Variants in CFAP65 observed in about 807,000 individuals in gnomAD.
The protein encoded by CFAP65 is cilia- and flagella-associated protein 65.
CFAP65 carries 155 observed loss-of-function variants against 208.0 expected under a neutral mutation model. The ratio of observed to expected loss-of-function variants is 0.75; its 90% CI spans 0.65 to 0.85. CFAP65 has a LOEUF of 0.85. Among genes scored for constraint, CFAP65 ranks in the 40% least tolerant of loss-of-function variants. The pLI is 0.00. For synonymous variants in CFAP65, 970 were observed against 986.3 expected, an observed-to-expected ratio of 0.98 and a Z score of 0.31; for missense variants, 2,294 against 2,451.3, an observed-to-expected ratio of 0.94 and a Z score of 1.36.
chr2:219,031,724 C>A lies in CFAP65; in HGVS notation c.646-66G>T, dbSNP rs1255924923. 2.6e-6 allele frequency: 4 copies of A among 1,530,240 alleles called. No individual in the cohort carries two copies. In the East Asian group the frequency reaches 9.1e-5, roughly 35 times the overall value. 94.8% of individuals were successfully genotyped at this position (1,530,240 alleles called of 1,614,324 possible). Reference sequence around the variant, plus strand: ...GCATTCAGGGACTGCACATCCCGCCCACCCTCAGCCACCCCCAACACAACC... The same window carrying A: ...GCATTCAGGGACTGCACATCCCGCCAACCCTCAGCCACCCCCAACACAACC... On this transcript the variant is annotated intron_variant, in intron 6 of 34. Transcript: ENST00000341552. The surrounding 1 kb of genome is among the most constrained non-coding windows in gnomAD (Gnocchi z 5.2).
chr2:219,038,725 G>A (rs1948508445), intron 3 of CFAP65, 147 bp from the exon 4 acceptor site: 1 of 1,094,158 alleles, frequency 9.1e-7, no homozygotes, highest in Non-Finnish European at 1.4e-6. Context: ...CATGAGGAAT[G>A]AGGCTGTACA....
intron 3 of CFAP65, 42 bp downstream of exon 3, chr2:219,038,854 C>T (rs758941435): frequency 6.4e-7 from 1 of 1,569,682 alleles, no homozygotes; most frequent in Admixed American, 1.8e-5. Flanking sequence ...CTTGGCACTG[C>T]TCAGCAAGCT....
Position 219,006,138 on chromosome 2 carries a change from G to C in CFAP65, c.4805C>G (p.Pro1602Arg), listed in dbSNP as rs1428431950. The C allele has an allele frequency of 2.5e-6, 4 of 1,613,746 alleles. No individual in the cohort carries two copies. Among genetic ancestry groups the C allele is most frequent in the Non-Finnish European group, 3.4e-6 (4 of 1,180,000 alleles). ...LQTPKEEVSW[P>R]CPQPPSPGML... Reference sequence around the variant, plus strand: ...GCCTGGCGAGGGTGGCTGGGGGCAGGGCCAGGACACCTCCTCCTTTGGGGT... The same window carrying C: ...GCCTGGCGAGGGTGGCTGGGGGCAGCGCCAGGACACCTCCTCCTTTGGGGT... The change falls in exon 31 of 35, where the codon CCC becomes CGC. Residue 1602 changes from proline to arginine, a missense_variant. Physicochemically the swap from Pro to Arg is moderately radical, Grantham distance 103 (BLOSUM62 -2). Transcript: ENST00000341552.
In CFAP65 at chr2:219,035,588, A is replaced by G. The variant is rs763176332; in HGVS notation, c.434T>C (p.Ile145Thr). Residue 145 changes from isoleucine (I) to threonine (T), a missense_variant, in exon 5 of 35, where the codon ATT (isoleucine) becomes ACT (threonine). Around this residue, in one of 2 missense-constraint regions of CFAP65, gnomAD observed 867 missense variants for 1,012.6 expected, o/e 0.86. Transcript: ENST00000341552. ...ERVNKRVIWG[I>T]EVAEELHWKG... Reference sequence around the variant, plus strand: ...CCAATGCAGCTCCTCAGCCACCTCAATGCCCCAGATGACCCTCTTGTTCAC... The same window carrying G: ...CCAATGCAGCTCCTCAGCCACCTCAGTGCCCCAGATGACCCTCTTGTTCAC... 1.9e-6 allele frequency: 3 copies of G among 1,613,758 alleles called. No homozygotes were observed. The highest frequency in any genetic ancestry group is 2.2e-5 in the East Asian group (1 of 44,868).
chr2:219,003,274 T>C lies in CFAP65; in HGVS notation c.5556-2A>G. The C allele has an allele frequency of 1.3e-6, 2 of 1,532,378 alleles. No homozygotes were observed. Among genetic ancestry groups the C allele is most frequent in the Non-Finnish European group, 1.8e-6 (2 of 1,138,204 alleles). 94.9% of individuals were successfully genotyped at this position (1,532,378 alleles called of 1,614,324 possible). A position where few individuals can be genotyped will look rare whatever the true frequency, so the allele number is the denominator to read the frequency against. On this transcript the variant is annotated splice_acceptor_variant, in intron 33 of 34. Transcript: ENST00000341552. LOFTEE classifies it high-confidence loss of function. The surrounding 1 kb of genome is among the most constrained non-coding windows in gnomAD (Gnocchi z 4.4). The stretch of plus-strand genomic sequence containing the variant: ...TGCAGGTTGGCGAAGGCCGGGAGCC[T>C]GCGAGGGGGCGGGGGCTAGCATGAG...
At chr2:219,005,905 T>G in intron 31 of CFAP65, 116 bp downstream of exon 31, 2 of 1,073,124 alleles carry the variant, frequency 1.9e-6, no homozygotes, top group South Asian at 3.0e-5. Flanking sequence ...TGAGCCCCAC[T>G]GCTGCTGCCC....
At chr2:219,030,988 G>T in intron 8 of CFAP65, 118 bp downstream of exon 8, 1 of 1,420,866 alleles carries the variant, frequency 7.0e-7, no homozygotes. Context: ...TTGGGGGAGG[G>T]CAGGAGGCCG....
intron 29 of CFAP65, among the ~76,000 whole-genome samples, chr2:219,006,857 G>A (rs1021615750): frequency 3.1e-4 from 45 of 146,904 alleles, no homozygotes; most frequent in African/African-American, 1.1e-3. Flanking sequence ...AAAAAAAGAT[G>A]TGAGAGGCTA....
At position 219,011,055 on chromosome 2, in the gene CFAP65, C is replaced by T. The variant is rs542188274; in HGVS notation, c.3958-59G>A. 9.5e-4 allele frequency: 1,427 copies of T among 1,498,922 alleles called. 5 individuals carry two copies. In the Middle Eastern group the frequency reaches 0.013, roughly 13 times the overall value. The allele number at this position is 1,498,922 out of a possible 1,614,324, so 92.9% of individuals were successfully genotyped here. On this transcript the variant is annotated intron_variant, in intron 24 of 34. Coordinates refer to ENST00000341552, the MANE Select transcript of CFAP65 (RefSeq NM_194302.4). Reference sequence around the variant, plus strand: ...CAGCTCAGCACTGCAAATCAGAAAGCCTGGGATGCTGTGCCCACTGTGGGA... The same window carrying T: ...CAGCTCAGCACTGCAAATCAGAAAGTCTGGGATGCTGTGCCCACTGTGGGA...
chr2:219,036,351 C>T (rs1948359136), intron 4 of CFAP65, among the ~76,000 whole-genome samples: 1 of 151,930 alleles, frequency 6.6e-6, no homozygotes, highest in Admixed American at 6.6e-5. Flanking sequence ...GGCATGGAAA[C>T]CCCCCTGGGG....
At position 219,004,229 on chromosome 2, in the gene CFAP65, T is replaced by C; in HGVS notation, c.5278A>G (p.Lys1760Glu). Reference protein sequence around the residue: ...RPEHYPGLGKKEEGEEEKGEE... With the variant: ...RPEHYPGLGKEEEGEEEKGEE... ...CCCTTCTCCTCCTCCCCCTCTTCCT[T>C]CTTTCCCAACCCTGGATAGTGCTCT... The change falls in exon 33 of 35, where the codon AAG becomes GAG. Residue 1760 changes from lysine to glutamate, a missense_variant. By Grantham distance (56) the Lys-to-Glu change is moderately conservative (BLOSUM62 1). Transcript: ENST00000341552. The surrounding 1 kb of genome is among the most constrained non-coding windows in gnomAD (Gnocchi z 4.7). 6.2e-7 allele frequency: 1 copy of C among 1,613,984 alleles called. No individual in the cohort carries two copies. Among genetic ancestry groups the C allele is most frequent in the Non-Finnish European group, 8.5e-7 (1 of 1,179,994 alleles).
chr2:219,022,409 G>A (rs1416054714), intron 16 of CFAP65, 80 bp from the exon 17 acceptor site: 1 of 1,494,422 alleles, frequency 6.7e-7, no homozygotes, highest in African/African-American at 1.4e-5. Flanking sequence ...CCCCATGGCA[G>A]GGCGTCATGC....
At position 219,003,378 on chromosome 2, in the gene CFAP65, A is replaced by G. The variant is rs1945717691; in HGVS notation, c.5556-106T>C. On this transcript the variant is annotated intron_variant, in intron 33 of 34. Coordinates refer to ENST00000341552, the MANE Select transcript of CFAP65 (RefSeq NM_194302.4). This position sits in a 1 kb window ranked among gnomAD's most constrained non-coding sequence, Gnocchi z 4.4. ...TGCCGCGAGCTCTACGGAGATTCCC[A>G]TTCGACTCCCCTCATCCACTACACT... The G allele has an allele frequency of 1.5e-6, 2 of 1,345,872 alleles. No individual in the cohort carries two copies. Among genetic ancestry groups the G allele is most frequent in the Non-Finnish European group, 9.8e-7 (1 of 1,017,778 alleles). The allele number at this position is 1,345,872 out of a possible 1,614,324, so 83.4% of individuals were successfully genotyped here.
chr2:219,021,686 C>G, intron 18 of CFAP65, 94 bp downstream of exon 18: 1 of 1,389,942 alleles, frequency 7.2e-7, no homozygotes, highest in Non-Finnish European at 9.9e-7. Flanking sequence ...GCTGGGACTA[C>G]AGGCGCGTGC....
chr2:219,035,304 T>G (rs775351672), intron 5 of CFAP65, 176 bp downstream of exon 5: 18 of 1,525,870 alleles, frequency 1.2e-5, no homozygotes, highest in Non-Finnish European at 1.6e-5. Flanking sequence ...TATACCACAA[T>G]GAAAAATAAT....
intron 9 of CFAP65, 59 bp from the exon 10 acceptor site, chr2:219,030,267 G>T (rs1947929816): frequency 1.3e-6 from 2 of 1,535,890 alleles, no homozygotes; most frequent in East Asian, 2.3e-5. Context: ...CTGTATGATG[G>T]GACAGTCTAC....
intron 22 of CFAP65, 33 bp downstream of exon 22, chr2:219,013,834 TG>T: frequency 6.5e-7 from 1 of 1,538,016 alleles, no homozygotes; most frequent in Non-Finnish European, 8.8e-7. Context: ...CCTCTATGAC[TG>T]GAAGTGCAGG....
rs138286079 is a variant in CFAP65 at position 219,023,413 on chromosome 2, G to A, written c.2614C>T (p.Arg872Trp). The change falls in exon 16 of 35, where the codon CGG (arginine) becomes TGG (tryptophan). Residue 872 changes from arginine (R) to tryptophan (W), a missense_variant. Arg to Trp is a moderately radical substitution (Grantham distance 101). Coordinates refer to ENST00000341552, the MANE Select transcript of CFAP65 (RefSeq NM_194302.4). ...AGCTTCAGCTGCAGTGGCTCCTCCC[G>A]GCTGTACATGCTCACCTCCTGGAGC... ...QYLKEVSMYSREEPLQLKLDT... is the reference protein window; with the variant it reads ...QYLKEVSMYSWEEPLQLKLDT... 160 of 1,578,798 alleles carry A rather than the reference G, an allele frequency of 1.0e-4. No individual in the cohort carries two copies. The highest frequency in any genetic ancestry group is 1.9e-4 in the Admixed American group (10 of 52,948).
At position 219,006,026 on chromosome 2, in the gene CFAP65, C is replaced by G; in HGVS notation, c.4917G>C (p.Leu1639Phe). ...CTGCCTTCCCAAGAGCTTACCGGTG[C>G]AAAAAGTGGCAGGGAAACTCTGAGA... ...NFFSEFPCHF[L>F]HRELPKRKAP... The change falls in exon 31 of 35, where the codon TTG becomes TTC. Residue 1639 changes from leucine (L) to phenylalanine (F), a missense_variant. Transcript: ENST00000341552. 6.2e-7 allele frequency: 1 copy of G among 1,613,262 alleles called. No homozygotes were observed. The highest frequency in any genetic ancestry group is 8.5e-7 in the Non-Finnish European group (1 of 1,179,970).
Sources: allele counts gnomAD v4.1 joint callset (sites outside exome capture counted in the v4.1 genomes callset), GRCh38; gene constraint gnomAD v4.1.1; regional missense constraint gnomAD v4.1.1; non-coding constraint Gnocchi (gnomAD v3.1); transcripts MANE v1.5; gene names NCBI Gene and HGNC (gene_info 2026-07-23, HGNC 2026-07-21).